Variants in WDHD1 observed in about 807,000 individuals in gnomAD.
WDHD1 encodes WD repeat and HMG-box DNA binding protein 1, also known as WD repeat and HMG-box DNA-binding protein 1.
In WDHD1, 111 loss-of-function variants were observed where a neutral mutation model predicts 135.4. The observed-to-expected ratio is 0.82, with a 90% CI of 0.70 to 0.96. The LOEUF is 0.96. WDHD1 is among the 40% of genes least tolerant of loss of function. The probability of loss-of-function intolerance (pLI) is 0.00; values close to 1 mark genes in which losing one functional copy is unlikely to be tolerated. For synonymous variants in WDHD1, 434 were observed against 439.0 expected (o/e 0.99, Z 0.14); for missense variants, 1,351 against 1,336.3 (o/e 1.01, Z -0.17).
intron 15 of WDHD1, among the ~76,000 whole-genome samples, chr14:54,983,889 A>G (rs1247432029): frequency 6.6e-6 from 1 of 152,194 alleles, no homozygotes; most frequent in East Asian, 1.9e-4. Flanking sequence ...TTCATCGAAG[A>G]TATCTCAAAT....
At chr14:54,998,129 C>T (rs970551231) in intron 10 of WDHD1, among the ~76,000 whole-genome samples, 2 of 151,956 alleles carry the variant, frequency 1.3e-5, no homozygotes, top group Non-Finnish European at 2.9e-5. Context: ...AGGAGAATCG[C>T]TTCAACCCAG....
Position 54,989,149 on chromosome 14 carries a change from C to G in WDHD1, c.1405G>C (p.Glu469Gln). The change falls in exon 13 of 26, where the codon GAG (glutamate) becomes CAG (glutamine). Residue 469 changes from glutamate to glutamine, a missense_variant. Physicochemically the swap from Glu to Gln is conservative, Grantham distance 29. Transcript: ENST00000360586. ...TGGTGTATGGAGGTATCATGGAACT[C>G]CACATCTATGGCATTGTCTTGCTCA... ...NDEQDNAIDVEFHDTSIHHAT... is the reference protein window; with the variant it reads ...NDEQDNAIDVQFHDTSIHHAT... 2 of 1,613,780 alleles carry G rather than the reference C, an allele frequency of 1.2e-6. No individual in the cohort carries two copies. The highest frequency in any genetic ancestry group is 1.7e-6 in the Non-Finnish European group (2 of 1,179,848).
At chr14:54,988,615 A>T (rs1179466996) in intron 13 of WDHD1, among the ~76,000 whole-genome samples, 1 of 152,158 alleles carries the variant, frequency 6.6e-6, no homozygotes, top group Non-Finnish European at 1.5e-5. Context: ...ATACATATCA[A>T]ATTGTAAATA....
chr14:54,957,409 C>G (rs544617357), intron 22 of WDHD1, among the ~76,000 whole-genome samples, 183 bp downstream of exon 22: 1 of 152,292 alleles, frequency 6.6e-6, no homozygotes, highest in Admixed American at 6.5e-5. Flanking sequence ...TCTTTCAAAA[C>G]CATAGGTACT....
At chr14:55,001,078 C>A in intron 8 of WDHD1, 86 bp from the exon 9 acceptor site, 16 of 871,804 alleles carry the variant, frequency 1.8e-5, no homozygotes, top group East Asian at 3.4e-5. Flanking sequence ...ATTTTCTTTT[C>A]ATTTTTTTTC....
chr14:54,957,568 A>G (rs764779956), intron 22 of WDHD1, 24 bp downstream of exon 22: 83 of 1,573,516 alleles, frequency 5.3e-5, no homozygotes, highest in Non-Finnish European at 6.9e-5. Context: ...TAAATAATAT[A>G]AAACATCACT....
At chr14:54,955,288 AAAAC>A (rs2041134040) in intron 24 of WDHD1, among the ~76,000 whole-genome samples, 2 of 152,174 alleles carry the variant, frequency 1.3e-5, no homozygotes, top group South Asian at 4.1e-4. Flanking sequence ...AAACTATTTA[AAAAC>A]AAACAAAAAA....
At chr14:54,969,685 T>C (rs893340403) in intron 16 of WDHD1, among the ~76,000 whole-genome samples, 7 of 151,936 alleles carry the variant, frequency 4.6e-5, no homozygotes, top group Non-Finnish European at 8.8e-5. Context: ...TACCAACTCC[T>C]CTCCAAATCA....
At chr14:55,016,095 A>G (rs1435338663) in intron 2 of WDHD1, among the ~76,000 whole-genome samples, 1 of 152,278 alleles carries the variant, frequency 6.6e-6, no homozygotes. Flanking sequence ...ATAGTGAAAT[A>G]TAGTAGAATT....
intron 7 of WDHD1, among the ~76,000 whole-genome samples, chr14:55,003,594 T>C (rs1042412515): frequency 6.6e-6 from 1 of 150,916 alleles, no homozygotes; most frequent in Non-Finnish European, 1.5e-5. Context: ...GAACTATATA[T>C]ATATAGTTGC....
intron 24 of WDHD1, among the ~76,000 whole-genome samples, chr14:54,953,556 C>T (rs556041485): frequency 6.6e-5 from 10 of 152,254 alleles, no homozygotes; most frequent in South Asian, 4.1e-4. Flanking sequence ...TTGTGGAAGG[C>T]GGTGTGGCGA....
rs1435358476 is a variant in WDHD1, at chr14:54,941,570, G to A, written c.3310C>T (p.Leu1104=). 2 of 1,613,846 alleles carry A rather than the reference G, an allele frequency of 1.2e-6. No homozygotes were observed. The change falls in exon 26 of 26, where the codon CTG becomes TTG. Residue 1104 remains leucine, a synonymous_variant. Transcript: ENST00000360586. ...GGTTTCTGCTTTTTAGACAAATTCA[G>A]GTTCTCTTTTGCTTTTTCTTCCTGG... ...ENQEEKAKEN[L]NLSKKQKPLD...
intron 22 of WDHD1, 121 bp from the exon 23 acceptor site, chr14:54,957,325 T>C: frequency 2.8e-6 from 3 of 1,065,018 alleles, no homozygotes; most frequent in Non-Finnish European, 2.7e-6. Flanking sequence ...TAGAACTAAA[T>C]ACATTTGGTA....
chr14:54,979,459 T>A (rs2041582291), intron 16 of WDHD1, among the ~76,000 whole-genome samples: 1 of 152,202 alleles, frequency 6.6e-6, no homozygotes, highest in Non-Finnish European at 1.5e-5. Flanking sequence ...CCTGGCCCAA[T>A]AGTCAAATTT....
intron 24 of WDHD1, among the ~76,000 whole-genome samples, chr14:54,949,334 C>T (rs1455125536): frequency 1.3e-5 from 2 of 152,162 alleles, no homozygotes; most frequent in African/African-American, 4.8e-5. Context: ...AAAACCATGG[C>T]ACGAGAACTA....
rs10715034 is a variant in WDHD1, at chr14:54,988,736, T to TA, written c.1526+291dup. Among the ~76,000 whole-genome samples, 798 of 136,060 alleles carry TA rather than the reference T, an allele frequency of 5.9e-3. 3 individuals carry two copies. Among genetic ancestry groups the TA allele is most frequent in the Middle Eastern group, 0.015 (4 of 262 alleles). The allele number at this position is 136,060 out of a possible 152,430, so 89.3% of individuals were successfully genotyped here. A position where few individuals can be genotyped will look rare whatever the true frequency, so the allele number is the denominator to read the frequency against. ...TGAATGTATATTACTCTTATAATAGTAAAAAAAAAAAAAAGCACTTAACAA... is the reference window on the plus strand; with the variant it reads ...TGAATGTATATTACTCTTATAATAGTAAAAAAAAAAAAAAAGCACTTAACAA... On this transcript the variant is annotated intron_variant, in intron 13 of 25. Transcript: ENST00000360586.
chr14:55,010,459 C>T lies in WDHD1; in HGVS notation c.191G>A (p.Ser64Asn), dbSNP rs1157826078. The T allele has an allele frequency of 6.4e-7, 1 of 1,561,178 alleles. No homozygotes were observed. Among genetic ancestry groups the T allele is most frequent in the Non-Finnish European group, 8.6e-7 (1 of 1,156,674 alleles). The change falls in exon 4 of 26, where the codon AGT becomes AAT. Residue 64 changes from serine to asparagine, a missense_variant and splice_region_variant. Ser to Asn is a conservative substitution (Grantham distance 46). Around this residue, in one of 2 missense-constraint regions of WDHD1, gnomAD observed 1,330 missense variants for 1,296.1 expected, o/e 1.03. Transcript: ENST00000360586. ...AGAAACTGCAGTGACCAGTTTTCCA[C>T]TCTAAAAGAAAAATTAAGGTAAGAA... ...GEKAYSCALKSGKLVTAVSNN... is the reference protein window; with the variant it reads ...GEKAYSCALKNGKLVTAVSNN...
At position 55,013,609 on chromosome 14, in the gene WDHD1, G is replaced by T; in HGVS notation, c.78-13C>A. The T allele has an allele frequency of 6.2e-7, 1 of 1,604,394 alleles. No homozygotes were observed. The highest frequency in any genetic ancestry group is 8.5e-7 in the Non-Finnish European group (1 of 1,171,296). On this transcript the variant is annotated splice_polypyrimidine_tract_variant and intron_variant, in intron 2 of 25. Transcript: ENST00000360586. The stretch of plus-strand genomic sequence containing the variant: ...AGTCACAATAAAACTGTGAAGAAAA[G>T]ACACAAATTAAAGTCATCGGGCATG...
intron 3 of WDHD1, among the ~76,000 whole-genome samples, chr14:55,011,524 CAAAAAAAA>C (rs60615259): frequency 3.9e-5 from 2 of 51,000 alleles, no homozygotes; most frequent in African/African-American, 8.1e-5. Context: ...AACTCTGTCT[CAAAAAAAA>C]AAAAAAAAAA....
Sources: allele counts gnomAD v4.1 joint callset (sites outside exome capture counted in the v4.1 genomes callset), GRCh38; gene constraint gnomAD v4.1.1; regional missense constraint gnomAD v4.1.1; transcripts MANE v1.5; gene names NCBI Gene and HGNC (gene_info 2026-07-23, HGNC 2026-07-21).